NCKAP5: variants seen among roughly 807,000 people sequenced by gnomAD.
The protein encoded by NCKAP5 is nck-associated protein 5.
A neutral mutation model predicts 167.0 loss-of-function variants in NCKAP5; 92 were observed. The ratio of observed to expected loss-of-function variants is 0.55; its 90% confidence interval spans 0.47 to 0.66. The LOEUF is 0.66. NCKAP5 is among the 30% of genes least tolerant of loss of function. The pLI is 0.00. For missense variants in NCKAP5, 2,378 were observed against 2,315.0 expected, an observed-to-expected ratio of 1.03 and a Z score of -0.56; for synonymous variants, 891 against 877.4, an observed-to-expected ratio of 1.02 and a Z score of -0.27.
the NCKAP5 span, among the ~76,000 whole-genome samples, chr2:133,638,238 G>T: frequency 6.6e-6 from 1 of 152,116 alleles, no homozygotes; most frequent in African/African-American, 2.4e-5. Flanking sequence ...AAATAGACAG[G>T]TAGATCTAAT....
intron 6 of NCKAP5, among the ~76,000 whole-genome samples, chr2:133,019,380 T>C (rs2078449688): frequency 6.6e-6 from 1 of 151,918 alleles, no homozygotes; most frequent in African/African-American, 2.4e-5. Context: ...GTGGGGAGAA[T>C]TGGGGCAGGG....
At chr2:133,048,940 G>A (rs2079503425) in intron 6 of NCKAP5, among the ~76,000 whole-genome samples, 1 of 152,160 alleles carries the variant, frequency 6.6e-6, no homozygotes, top group Admixed American at 6.5e-5. Flanking sequence ...TTGAACCCTT[G>A]CTTTCTGGTC....
intron 4 of NCKAP5, among the ~76,000 whole-genome samples, chr2:133,293,022 C>G (rs1679711986): frequency 6.6e-6 from 1 of 152,136 alleles, no homozygotes; most frequent in Non-Finnish European, 1.5e-5. Context: ...TGCTCCTAAT[C>G]AAGCCTTGGT....
intron 6 of NCKAP5, among the ~76,000 whole-genome samples, chr2:133,106,337 T>C (rs2081698361): frequency 6.6e-6 from 1 of 151,012 alleles, no homozygotes. Flanking sequence ...GCTGATTGTA[T>C]TAGAGAAGAA....
At chr2:133,073,658 G>A (rs1193386925) in intron 6 of NCKAP5, among the ~76,000 whole-genome samples, 2 of 152,106 alleles carry the variant, frequency 1.3e-5, no homozygotes, top group East Asian at 3.9e-4. Flanking sequence ...AGAACCCAAA[G>A]TCTCTCAATG....
intron 5 of NCKAP5, among the ~76,000 whole-genome samples, chr2:133,142,262 C>T (rs2083028329): frequency 6.6e-6 from 1 of 152,110 alleles, no homozygotes; most frequent in South Asian, 2.1e-4. Flanking sequence ...CTCACTTTCT[C>T]AATGATCGAC....
At chr2:133,651,723 G>C in the NCKAP5 span, among the ~76,000 whole-genome samples, 3 of 152,164 alleles carry the variant, frequency 2.0e-5, no homozygotes, top group African/African-American at 7.2e-5. Context: ...GTGTATTACA[G>C]TACTATTAGG....
At chr2:133,286,096 C>T (rs1679106738) in intron 4 of NCKAP5, among the ~76,000 whole-genome samples, 2 of 151,636 alleles carry the variant, frequency 1.3e-5, no homozygotes, top group African/African-American at 4.8e-5. Flanking sequence ...TCTGGGTTCA[C>T]ACCATTCTCC....
the NCKAP5 span, among the ~76,000 whole-genome samples, chr2:133,623,921 A>G: frequency 6.6e-6 from 1 of 152,218 alleles, no homozygotes; most frequent in Non-Finnish European, 1.5e-5. Context: ...GAGTGGATAA[A>G]GAAAATATGG....
intron 3 of NCKAP5, among the ~76,000 whole-genome samples, chr2:133,388,699 C>T (rs555163706): frequency 2.6e-5 from 4 of 152,304 alleles, no homozygotes; most frequent in South Asian, 2.1e-4. Context: ...CCAAGCTTCC[C>T]GGCCACTTTG....
At chr2:133,123,822 T>G (rs752829446) in intron 6 of NCKAP5, 2 of 471,140 alleles carry the variant, frequency 4.2e-6, no homozygotes, top group South Asian at 3.1e-5. Flanking sequence ...GAAAATGTTC[T>G]TTTAATGTAC....
rs933584952 is a variant in NCKAP5 at position 133,020,460 on chromosome 2, A to G, written c.342-26221T>C. Among the ~76,000 whole-genome samples the G allele has an allele frequency of 3.9e-5, 6 of 152,200 alleles. No individual in the cohort carries two copies. The East Asian group carries it at 1.2e-3, about 29-fold the overall frequency. On this transcript the variant is annotated intron_variant, in intron 6 of 19. Transcript: ENST00000409261. ...CATGCATAAAAGATATGTTTTCAGG[A>G]GTCAACAGGACTTAGAGGCAAGTAC...
chr2:132,852,323 G>T (rs1203341203), intron 11 of NCKAP5, among the ~76,000 whole-genome samples: 2 of 152,154 alleles, frequency 1.3e-5, no homozygotes, highest in Non-Finnish European at 2.9e-5. Flanking sequence ...CAATCACTTA[G>T]TCTACTGCAA....
chr2:132,942,894 C>T (rs1027145573), intron 8 of NCKAP5, among the ~76,000 whole-genome samples: 15 of 152,188 alleles, frequency 9.9e-5, no homozygotes, highest in African/African-American at 2.9e-4. Flanking sequence ...TGTCTGCCAA[C>T]GGGAGTAACT....
intron 3 of NCKAP5, among the ~76,000 whole-genome samples, chr2:133,370,992 A>G (rs1402043177): frequency 6.6e-6 from 1 of 152,172 alleles, no homozygotes; most frequent in Non-Finnish European, 1.5e-5. Flanking sequence ...CTCCTAAGCA[A>G]ATGGCGACTA....
At position 133,167,553 on chromosome 2, in the gene NCKAP5, T is replaced by C. The variant is rs897499118; in HGVS notation, c.208-37442A>G. Among the ~76,000 whole-genome samples the C allele has an allele frequency of 1.1e-4, 17 of 152,270 alleles. No individual in the cohort carries two copies. The South Asian group carries it at 1.7e-3, about 15-fold the overall frequency. ...ATATTTTAGAGCATCATTTTCAAGG[T>C]TAAGAGACCTGCTTGAAGTAGTATA... On this transcript the variant is annotated intron_variant, in intron 5 of 19. Transcript: ENST00000409261.
chr2:133,536,582 C>A (rs923510109), intron 2 of NCKAP5, among the ~76,000 whole-genome samples: 1 of 152,014 alleles, frequency 6.6e-6, no homozygotes, highest in Admixed American at 6.5e-5. Flanking sequence ...ATACCTCCAG[C>A]TTTGCATGTC....
At chr2:132,802,680 T>C (rs1224507557) in intron 11 of NCKAP5, among the ~76,000 whole-genome samples, 6 of 152,218 alleles carry the variant, frequency 3.9e-5, no homozygotes, top group African/African-American at 7.2e-5. Context: ...GCTTTGTTCC[T>C]TCTGTTGGGT....
intron 6 of NCKAP5, among the ~76,000 whole-genome samples, chr2:133,060,631 A>G (rs1157652713): frequency 8.5e-5 from 13 of 152,222 alleles, no homozygotes; most frequent in Non-Finnish European, 1.6e-4. Flanking sequence ...AATCTGAAGT[A>G]GTAAAATTGA....
Sources: gnomAD v4.1 joint callset for allele counts (sites outside exome capture counted in the v4.1 genomes callset) on GRCh38, gnomAD v4.1.1 for gene constraint, MANE v1.5 for transcripts, NCBI Gene and HGNC (gene_info 2026-07-23, HGNC 2026-07-21) for gene names.